DOCK3: variants seen among roughly 807,000 people sequenced by gnomAD.
DOCK3 encodes the protein dedicator of cytokinesis 3.
DOCK3 carries 60 observed loss-of-function variants against 265.6 expected under a neutral mutation model. That is an observed-to-expected ratio of 0.23 (90% CI 0.18 to 0.28). DOCK3 has a LOEUF of 0.28. Among genes scored for constraint, DOCK3 ranks in the 10% least tolerant of loss-of-function variants. The pLI is 1.00. For missense variants in DOCK3, 1,981 were observed against 2,594.3 expected, an observed-to-expected ratio of 0.76 and a Z score of 5.14; for synonymous variants, 881 against 938.0, an observed-to-expected ratio of 0.94 and a Z score of 1.11.
intron 1 of DOCK3, among the ~76,000 whole-genome samples, chr3:50,733,269 C>T (rs1049314863): frequency 1.3e-5 from 2 of 152,004 alleles, no homozygotes; most frequent in Non-Finnish European, 2.9e-5. Context: ...TCAAGTCCAC[C>T]GTTCTCTTAC....
intron 1 of DOCK3, among the ~76,000 whole-genome samples, chr3:50,707,353 C>T (rs951155973): frequency 2.0e-5 from 3 of 151,712 alleles, no homozygotes; most frequent in African/African-American, 7.3e-5. Context: ...ATGAGAATCA[C>T]TTGGACCCAG....
intron 40 of DOCK3, among the ~76,000 whole-genome samples, chr3:51,354,388 A>T (rs1216840850): frequency 6.6e-6 from 1 of 152,090 alleles, no homozygotes; most frequent in Non-Finnish European, 1.5e-5. Flanking sequence ...AAGACATGTC[A>T]AGAGGGGCTG....
chr3:51,244,842 T>C lies in DOCK3; in HGVS notation c.2103-1884T>C, dbSNP rs138955436. ...TCAGCTGATATTTCAGACTATAGTTTGTTACATAGTTGCTATACTTCTACT... is the reference window on the plus strand; with the variant it reads ...TCAGCTGATATTTCAGACTATAGTTCGTTACATAGTTGCTATACTTCTACT... On this transcript the variant is annotated intron_variant, in intron 21 of 52. Transcript: ENST00000266037. Among the ~76,000 whole-genome samples the C allele has an allele frequency of 3.3e-5, 5 of 152,330 alleles. No individual in the cohort carries two copies. The East Asian group carries it at 9.6e-4, about 29-fold the overall frequency.
chr3:50,725,005 AAT>A (rs1212043478), intron 1 of DOCK3, among the ~76,000 whole-genome samples: 5 of 151,790 alleles, frequency 3.3e-5, no homozygotes, highest in East Asian at 1.9e-4. Flanking sequence ...AAAAAAAAAA[AAT>A]AATAATGACT....
At chr3:50,841,395 T>G (rs1212338644) in intron 2 of DOCK3, among the ~76,000 whole-genome samples, 1 of 152,190 alleles carries the variant, frequency 6.6e-6, no homozygotes, top group Non-Finnish European at 1.5e-5. Flanking sequence ...TATGTAGGAA[T>G]TTTTGTGCTG....
At chr3:51,066,786 C>T (rs920906914) in intron 6 of DOCK3, among the ~76,000 whole-genome samples, 2 of 152,262 alleles carry the variant, frequency 1.3e-5, no homozygotes, top group Admixed American at 6.5e-5. Flanking sequence ...ACACTAAATT[C>T]GTTGTTTGTG....
chr3:50,771,927 A>T (rs2041303904), intron 1 of DOCK3, among the ~76,000 whole-genome samples: 1 of 152,238 alleles, frequency 6.6e-6, no homozygotes. Flanking sequence ...GTGATTCAGC[A>T]GTCCCACTGC....
intron 10 of DOCK3, among the ~76,000 whole-genome samples, chr3:51,147,098 G>A (rs527272237): frequency 8.0e-4 from 121 of 151,596 alleles, no homozygotes; most frequent in African/African-American, 2.8e-3. Flanking sequence ...AGGTGAAAAA[G>A]TGAGACCAGA....
At chr3:50,916,846 C>CA (rs397877086) in intron 4 of DOCK3, among the ~76,000 whole-genome samples, 998 of 76,984 alleles carry the variant, frequency 0.013, 5 homozygotes, top group Admixed American at 0.02. Flanking sequence ...GACTCCGTTT[C>CA]AAAAAAAAAA....
intron 1 of DOCK3, among the ~76,000 whole-genome samples, chr3:50,717,947 T>G (rs1216763139): frequency 6.6e-6 from 1 of 152,148 alleles, no homozygotes; most frequent in Non-Finnish European, 1.5e-5. Flanking sequence ...ACTTTTGCAT[T>G]ATTAAATAAT....
intron 2 of DOCK3, among the ~76,000 whole-genome samples, chr3:50,827,605 T>C (rs1479467678): frequency 6.6e-6 from 1 of 152,144 alleles, no homozygotes; most frequent in African/African-American, 2.4e-5. Context: ...CATATATAAA[T>C]ATTAGAATGG....
At chr3:50,771,933 A>C (rs1212458403) in intron 1 of DOCK3, among the ~76,000 whole-genome samples, 4 of 152,242 alleles carry the variant, frequency 2.6e-5, no homozygotes, top group Non-Finnish European at 4.4e-5. Flanking sequence ...CAGCAGTCCC[A>C]CTGCTGGGTA....
intron 22 of DOCK3, among the ~76,000 whole-genome samples, chr3:51,249,703 G>T (rs1317943007): frequency 7.9e-6 from 1 of 126,862 alleles, no homozygotes; most frequent in Non-Finnish European, 1.7e-5. Flanking sequence ...GGTGAGGGGC[G>T]CCTCTGCCCG....
chr3:51,080,584 G>T (rs1002073153), intron 7 of DOCK3, among the ~76,000 whole-genome samples: 1 of 152,126 alleles, frequency 6.6e-6, no homozygotes, highest in Admixed American at 6.5e-5. Flanking sequence ...TGCCCATGTG[G>T]TATGCTTTCA....
At chr3:50,983,923 C>T (rs2077796289) in intron 5 of DOCK3, among the ~76,000 whole-genome samples, 1 of 152,202 alleles carries the variant, frequency 6.6e-6, no homozygotes, top group African/African-American at 2.4e-5. Context: ...TTCTTGGTGT[C>T]TCCAGGCTTC....
At chr3:51,129,576 A>G (rs1172819399) in intron 9 of DOCK3, among the ~76,000 whole-genome samples, 4 of 152,212 alleles carry the variant, frequency 2.6e-5, no homozygotes, top group Non-Finnish European at 5.9e-5. Flanking sequence ...TGGGTCAGAA[A>G]GCACCCAGCT....
chr3:50,708,416 G>T (rs2036549761), intron 1 of DOCK3, among the ~76,000 whole-genome samples: 1 of 152,168 alleles, frequency 6.6e-6, no homozygotes, highest in Admixed American at 6.5e-5. Context: ...TGGTTGCACT[G>T]CTGGGTCCAG....
intron 6 of DOCK3, among the ~76,000 whole-genome samples, chr3:51,075,019 A>C (rs1283429614): frequency 6.6e-6 from 1 of 152,162 alleles, no homozygotes; most frequent in African/African-American, 2.4e-5. Flanking sequence ...TAGCTGTCAG[A>C]TGGGGAGAAA....
At chr3:50,688,735 A>G (rs2035013626) in intron 1 of DOCK3, among the ~76,000 whole-genome samples, 1 of 152,142 alleles carries the variant, frequency 6.6e-6, no homozygotes, top group African/African-American at 2.4e-5. Context: ...AAGTGCTGGG[A>G]TTACAGGTAT....
Sources: allele counts gnomAD v4.1 joint callset (sites outside exome capture counted in the v4.1 genomes callset), GRCh38; gene constraint gnomAD v4.1.1; transcripts MANE v1.5; gene names NCBI Gene and HGNC (gene_info 2026-07-23, HGNC 2026-07-21).